The following WWP2 variants were observed in gnomAD, a reference collection of about 807,000 sequenced individuals.
The protein encoded by WWP2 is NEDD4-like E3 ubiquitin-protein ligase WWP2.
Under a neutral mutation model 121.0 loss-of-function variants are expected in WWP2, and 57 were observed. That is an observed-to-expected ratio of 0.47 (90% CI 0.38 to 0.59). The LOEUF (loss-of-function observed/expected upper bound fraction) is 0.59. Among genes scored for constraint, WWP2 ranks in the 20% least tolerant of loss-of-function variants. WWP2 has a pLI of 0.00. For missense variants in WWP2, 962 were observed against 1,158.9 expected (o/e 0.83, Z 2.47); for synonymous variants, 449 against 441.3 (o/e 1.02, Z -0.22).
chr16:69,895,173 T>A (rs1358967742), intron 8 of WWP2: 1 of 152,202 alleles, frequency 6.6e-6, no homozygotes, highest in Non-Finnish European at 1.5e-5. Flanking sequence ...GATGTTTGTT[T>A]GTGGGGACAC....
chr16:69,867,684 G>T (rs542739383), intron 6 of WWP2, among the ~76,000 whole-genome samples: 79 of 152,208 alleles, frequency 5.2e-4, no homozygotes, highest in Non-Finnish European at 1.0e-3. Context: ...AGGACCTTGA[G>T]TGAGGACACA....
chr16:69,813,160 A>G (rs993435123), intron 4 of WWP2, among the ~76,000 whole-genome samples: 46 of 149,512 alleles, frequency 3.1e-4, no homozygotes, highest in Admixed American at 3.3e-4. Context: ...TTTCTGGTGT[A>G]ATTTTTTTTT....
At position 69,937,749 on chromosome 16, in the gene WWP2, G is replaced by C; in HGVS notation, c.2343+97G>C. The C allele has an allele frequency of 4.1e-6, 5 of 1,206,340 alleles. No homozygotes were observed. The highest frequency in any genetic ancestry group is 5.9e-6 in the Non-Finnish European group (5 of 841,362). The allele number at this position is 1,206,340 out of a possible 1,614,324, so 74.7% of individuals were successfully genotyped here. On this transcript the variant is annotated intron_variant, in intron 21 of 23. Transcript: ENST00000359154. The surrounding 1 kb of genome is among the most constrained non-coding windows in gnomAD (Gnocchi z 6.6). ...CTCACGCGCAAGGACCTTCAGCTTT[G>C]GCCCTGTCCTTGCCTCCCACACCTT...
At chr16:69,877,035 C>T (rs1000436205) in intron 7 of WWP2, among the ~76,000 whole-genome samples, 1 of 152,174 alleles carries the variant, frequency 6.6e-6, no homozygotes, top group Non-Finnish European at 1.5e-5. Flanking sequence ...TTAAAATCAC[C>T]AGCAACATTA....
chr16:69,892,120 G>A (rs1298036096), intron 8 of WWP2, among the ~76,000 whole-genome samples: 1 of 152,166 alleles, frequency 6.6e-6, no homozygotes, highest in Non-Finnish European at 1.5e-5. Flanking sequence ...CTGGCACATA[G>A]TGGGACTCCA....
rs115888878 is a variant in WWP2, at chr16:69,838,113, A to G, written c.341-2013A>G. On this transcript the variant is annotated intron_variant, in intron 4 of 23. Transcript: ENST00000359154. ...ACAAATACAGTGAATGAGAAGTTAG[A>G]CCAAGAGGAATTAGGACTCTTCCTA... Among the ~76,000 whole-genome samples the G allele has an allele frequency of 7.6e-3, 1,153 of 152,266 alleles. 15 individuals carry two copies. The highest frequency in any genetic ancestry group is 0.025 in the African/African-American group (1,046 of 41,558).
intron 5 of WWP2, among the ~76,000 whole-genome samples, chr16:69,841,665 C>G (rs191569463): frequency 2.0e-5 from 3 of 151,564 alleles, no homozygotes; most frequent in Admixed American, 1.3e-4. Flanking sequence ...GAAATGCCCC[C>G]GATTTCTGGC....
rs1378974412 is a variant in WWP2, at chr16:69,799,799, T to C, written c.340+504T>C. On this transcript the variant is annotated intron_variant, in intron 4 of 23. Coordinates refer to ENST00000359154, the MANE Select transcript of WWP2 (RefSeq NM_001270454.2). This position sits in a 1 kb window ranked among gnomAD's most constrained non-coding sequence, Gnocchi z 4.5. ...CGGCACTCAGTAAACATTTACTGGA[T>C]GTTGGAACGTGATGGACGCGCCATC... Among the ~76,000 whole-genome samples the C allele has an allele frequency of 6.6e-6, 1 of 152,180 alleles. No individual in the cohort carries two copies. Among genetic ancestry groups the C allele is most frequent in the Non-Finnish European group, 1.5e-5 (1 of 68,024 alleles).
intron 6 of WWP2, among the ~76,000 whole-genome samples, chr16:69,858,306 T>G (rs2057355664): frequency 6.6e-6 from 1 of 152,112 alleles, no homozygotes; most frequent in Non-Finnish European, 1.5e-5. Context: ...TCTGTGTGCC[T>G]CATTCATCTT....
intron 1 of WWP2, among the ~76,000 whole-genome samples, chr16:69,767,273 A>G (rs531471189): frequency 9.8e-4 from 149 of 152,242 alleles, no homozygotes; most frequent in Admixed American, 3.2e-3. Flanking sequence ...TATTGAATGC[A>G]TGTTGTTTGT....
In WWP2 at chr16:69,917,735, G is replaced by A; in HGVS notation, c.1031G>A (p.Gly344Asp). ...PGWEKRTDPR[G>D]RFYYVDHNTR... ...TGGGAAAAACGCACAGATCCCCGAG[G>A]CAGGTTTTACTATGTGGATCACAAT... is the stretch of plus-strand genomic sequence containing the variant. Residue 344 changes from glycine (G) to aspartate (D), a missense_variant, in exon 10 of 24, where the codon GGC becomes GAC. This residue lies in a region of WWP2 where 606 missense variants were observed against 772.6 expected (regional missense o/e 0.78). Coordinates refer to ENST00000359154, the MANE Select transcript of WWP2 (RefSeq NM_001270454.2). 1 of 1,605,440 alleles carries A rather than the reference G, an allele frequency of 6.2e-7. No homozygotes were observed. Among genetic ancestry groups the A allele is most frequent in the Non-Finnish European group, 8.5e-7 (1 of 1,172,550 alleles).
intron 1 of WWP2, among the ~76,000 whole-genome samples, chr16:69,780,560 C>T (rs1215771015): frequency 6.6e-6 from 1 of 152,174 alleles, no homozygotes; most frequent in Non-Finnish European, 1.5e-5. Flanking sequence ...TGTCAGCTGC[C>T]ATCTAATGTG....
chr16:69,823,977 C>T (rs1244170999), intron 4 of WWP2, among the ~76,000 whole-genome samples: 1 of 152,204 alleles, frequency 6.6e-6, no homozygotes, highest in African/African-American at 2.4e-5. Flanking sequence ...TGAACACCTG[C>T]TGCAGGCCGG....
intron 6 of WWP2, among the ~76,000 whole-genome samples, chr16:69,846,624 G>A (rs2057084538): frequency 6.6e-6 from 1 of 151,992 alleles, no homozygotes; most frequent in Non-Finnish European, 1.5e-5. Context: ...GGGAGGCTGA[G>A]GTAGGAGAAT....
chr16:69,799,358 C>G lies in WWP2; in HGVS notation c.340+63C>G. On this transcript the variant is annotated intron_variant, in intron 4 of 23. Coordinates refer to ENST00000359154, the MANE Select transcript of WWP2 (RefSeq NM_001270454.2). The surrounding 1 kb of genome is among the most constrained non-coding windows in gnomAD (Gnocchi z 4.5). ...GTGGGGATGGGAGGACCTGGCAGAT[C>G]AACCTGGTATTGCAATTTCCCCCAG... is the stretch of plus-strand genomic sequence containing the variant. 1 of 1,578,478 alleles carries G rather than the reference C, an allele frequency of 6.3e-7. No individual in the cohort carries two copies. The highest frequency in any genetic ancestry group is 8.6e-7 in the Non-Finnish European group (1 of 1,161,490).
intron 6 of WWP2, among the ~76,000 whole-genome samples, chr16:69,861,488 C>T (rs1054034836): frequency 6.6e-6 from 1 of 152,158 alleles, no homozygotes; most frequent in South Asian, 2.1e-4. Context: ...GACTTGGCAG[C>T]GATTTTATTT....
At chr16:69,869,101 T>C (rs1426586863) in intron 6 of WWP2, among the ~76,000 whole-genome samples, 3 of 152,194 alleles carry the variant, frequency 2.0e-5, no homozygotes, top group East Asian at 1.9e-4. Flanking sequence ...TTGGCCAGGC[T>C]GGTCTCGAAC....
intron 14 of WWP2, 131 bp from the exon 15 acceptor site, chr16:69,931,378 T>G (rs8052727): frequency 0.76 from 1,102,328 of 1,451,992 alleles, 421,260 homozygotes; most frequent in East Asian, 0.96. Context: ...TCTAGGAAGC[T>G]AGTTTTCATT....
At chr16:69,851,735 C>T (rs751500324) in intron 6 of WWP2, among the ~76,000 whole-genome samples, 2 of 152,108 alleles carry the variant, frequency 1.3e-5, no homozygotes, top group Non-Finnish European at 2.9e-5. Flanking sequence ...AATCCTAGCA[C>T]TGTGGGAGGC....
Sources: allele counts gnomAD v4.1 joint callset (sites outside exome capture counted in the v4.1 genomes callset), GRCh38; gene constraint gnomAD v4.1.1; regional missense constraint gnomAD v4.1.1; non-coding constraint Gnocchi (gnomAD v3.1); transcripts MANE v1.5; gene names NCBI Gene and HGNC (gene_info 2026-07-23, HGNC 2026-07-21).